The following FAM171A1 variants were observed in gnomAD, a reference collection of about 807,000 sequenced individuals.
FAM171A1 encodes family with sequence similarity 171 member A1.
In FAM171A1, 23 loss-of-function variants were observed where a neutral mutation model predicts 74.9. That is an observed-to-expected ratio of 0.31 (90% confidence interval 0.22 to 0.44). The LOEUF (loss-of-function observed/expected upper bound fraction) is 0.44. Among genes scored for constraint, FAM171A1 ranks in the 20% least tolerant of loss-of-function variants. FAM171A1 has a pLI of 1.00. For missense variants in FAM171A1, 1,162 were observed against 1,159.2 expected (o/e 1.00, Z -0.03); for synonymous variants, 527 against 505.7 (o/e 1.04, Z -0.57).
chr10:15,312,676 T>TG (rs199700167), intron 1 of FAM171A1, among the ~76,000 whole-genome samples: 399 of 17,696 alleles, frequency 0.023, 93 homozygotes, highest in East Asian at 0.072. Context: ...ACTGTGTGTT[T>TG]TTTTTTTTTT....
At chr10:15,287,449 G>A (rs367715242) in intron 1 of FAM171A1, among the ~76,000 whole-genome samples, 2 of 148,542 alleles carry the variant, frequency 1.3e-5, no homozygotes, top group Admixed American at 6.8e-5. Context: ...GTGCAGTGGC[G>A]CGATCTTGGC....
intron 3 of FAM171A1, among the ~76,000 whole-genome samples, chr10:15,269,220 C>T (rs12241959): frequency 0.056 from 8,586 of 152,126 alleles, 435 homozygotes; most frequent in African/African-American, 0.13. Context: ...CTCAAGTAAT[C>T]CTCCTGTCTC....
intron 5 of FAM171A1, among the ~76,000 whole-genome samples, chr10:15,228,906 T>A (rs1834145390): frequency 6.6e-6 from 1 of 152,226 alleles, no homozygotes; most frequent in Non-Finnish European, 1.5e-5. Context: ...TGCCTCATGT[T>A]TCTTTGTCAC....
At chr10:15,348,560 G>A (rs1052366895) in intron 1 of FAM171A1, among the ~76,000 whole-genome samples, 3 of 152,120 alleles carry the variant, frequency 2.0e-5, no homozygotes, top group Admixed American at 6.5e-5. Context: ...GGTCTATGAC[G>A]GCGTCCTGGC....
chr10:15,251,110 G>A (rs927934751), intron 4 of FAM171A1, among the ~76,000 whole-genome samples: 1 of 152,124 alleles, frequency 6.6e-6, no homozygotes, highest in Non-Finnish European at 1.5e-5. Flanking sequence ...CAAAACTAAG[G>A]AGGGTAGACT....
At chr10:15,267,670 CAGA>C (rs901886843) in intron 3 of FAM171A1, among the ~76,000 whole-genome samples, 2 of 141,834 alleles carry the variant, frequency 1.4e-5, no homozygotes, top group South Asian at 2.2e-4. Context: ...GCTGCTTAGG[CAGA>C]AGGAGACTGC....
intron 1 of FAM171A1, among the ~76,000 whole-genome samples, chr10:15,313,632 T>C (rs1243446788): frequency 4.6e-5 from 7 of 151,890 alleles, no homozygotes; most frequent in African/African-American, 1.5e-4. Context: ...AACTCGTGAG[T>C]TTTTGCAGAT....
rs201815442 is a variant in FAM171A1 at position 15,324,752 on chromosome 10, C to CA, written c.98-40648dup. ...AGTGAGGGGGAAAAAAAAAAGTCCA[C>CA]AAAAAAAAGGACAAAAAAACCAAAC... On this transcript the variant is annotated intron_variant, in intron 1 of 7. Coordinates refer to ENST00000378116, the MANE Select transcript of FAM171A1 (RefSeq NM_001010924.2). Among the ~76,000 whole-genome samples, 528 of 151,232 alleles carry CA rather than the reference C, an allele frequency of 3.5e-3. 1 individual carries two copies. Among genetic ancestry groups the CA allele is most frequent in the African/African-American group, 9.5e-3 (390 of 41,238 alleles).
At chr10:15,327,801 G>C (rs1362826585) in intron 1 of FAM171A1, among the ~76,000 whole-genome samples, 1 of 151,894 alleles carries the variant, frequency 6.6e-6, no homozygotes, top group African/African-American at 2.4e-5. Context: ...GGAGAGAATG[G>C]AAAAACTATG....
intron 5 of FAM171A1, among the ~76,000 whole-genome samples, chr10:15,243,872 T>TTC (rs1834395570): frequency 5.3e-5 from 8 of 152,108 alleles, no homozygotes; most frequent in African/African-American, 1.9e-4. Context: ...TGTCTCAGCC[T>TTC]CCTGAGTAGC....
chr10:15,213,448 C>T lies in FAM171A1; in HGVS notation c.2140G>A (p.Gly714Ser). 1.2e-6 allele frequency: 2 copies of T among 1,614,180 alleles called. No homozygotes were observed. Among genetic ancestry groups the T allele is most frequent in the Non-Finnish European group, 1.7e-6 (2 of 1,180,048 alleles). The change falls in exon 8 of 8, where the codon GGC (glycine) becomes AGC (serine). Residue 714 changes from glycine to serine, a missense_variant. By Grantham distance (56) the Gly-to-Ser change is moderately conservative. Transcript: ENST00000378116. The surrounding 1 kb of genome is among the most constrained non-coding windows in gnomAD (Gnocchi z 6.8). ...HPRAWFVSLDGRSNAHVRHSY... is the reference protein window; with the variant it reads ...HPRAWFVSLDSRSNAHVRHSY... ...TGTCTAACGTGAGCGTTGGACCTGCCATCCAAGGAGACGAACCACGCCCGG... is the reference window on the plus strand; with the variant it reads ...TGTCTAACGTGAGCGTTGGACCTGCTATCCAAGGAGACGAACCACGCCCGG...
intron 5 of FAM171A1, among the ~76,000 whole-genome samples, chr10:15,231,177 C>A (rs1834200497): frequency 6.6e-6 from 1 of 152,078 alleles, no homozygotes; most frequent in African/African-American, 2.4e-5. Context: ...ATCCAGAGGT[C>A]TGGAGGAAAG....
At chr10:15,360,925 C>T (rs1217420526) in intron 1 of FAM171A1, among the ~76,000 whole-genome samples, 2 of 152,138 alleles carry the variant, frequency 1.3e-5, no homozygotes, top group African/African-American at 4.8e-5. Context: ...AAGTATTTTT[C>T]CCATGGATTA....
chr10:15,221,358 T>G (rs985397047), intron 5 of FAM171A1, among the ~76,000 whole-genome samples: 4 of 152,162 alleles, frequency 2.6e-5, no homozygotes, highest in African/African-American at 9.7e-5. Context: ...AGCAGAAGCC[T>G]TTGGAACTCA....
intron 1 of FAM171A1, among the ~76,000 whole-genome samples, chr10:15,302,870 G>A (rs773657194): frequency 3.9e-5 from 6 of 152,120 alleles, no homozygotes; most frequent in African/African-American, 1.2e-4. Context: ...CTATGCTGAC[G>A]CCTACAAGTC....
At chr10:15,262,061 G>T (rs2131777962) in intron 3 of FAM171A1, among the ~76,000 whole-genome samples, 1 of 152,322 alleles carries the variant, frequency 6.6e-6, no homozygotes, top group African/African-American at 2.4e-5. Flanking sequence ...GCTACGGTGA[G>T]TTATGATTGC....
intron 4 of FAM171A1, among the ~76,000 whole-genome samples, chr10:15,254,055 G>A (rs914419820): frequency 3.9e-5 from 6 of 152,198 alleles, no homozygotes; most frequent in South Asian, 2.1e-4. Flanking sequence ...AGGAGAGGGC[G>A]GATTCTAAAG....
intron 3 of FAM171A1, among the ~76,000 whole-genome samples, chr10:15,265,971 T>C (rs530648924): frequency 6.6e-6 from 1 of 152,184 alleles, no homozygotes; most frequent in East Asian, 1.9e-4. Context: ...CCAGAGGTGG[T>C]AGAAGGCACA....
At chr10:15,227,726 C>T (rs45577537) in intron 5 of FAM171A1, among the ~76,000 whole-genome samples, 17 of 152,126 alleles carry the variant, frequency 1.1e-4, no homozygotes, top group South Asian at 2.1e-4. Context: ...TGGAAAGACT[C>T]GGAGATATTT....
Sources: gnomAD v4.1 joint callset for allele counts (sites outside exome capture counted in the v4.1 genomes callset) on GRCh38, gnomAD v4.1.1 for gene constraint, Gnocchi (gnomAD v3.1) non-coding constraint, MANE v1.5 for transcripts, NCBI Gene and HGNC (gene_info 2026-07-23, HGNC 2026-07-21) for gene names.